RAB3D: variants seen among roughly 807,000 people sequenced by gnomAD.
RAB3D encodes the protein RAB3D, member RAS oncogene family.
In RAB3D, 17 loss-of-function variants were observed where a neutral mutation model predicts 19.3. That is an observed-to-expected ratio of 0.88 (90% CI 0.60 to 1.32). The LOEUF is 1.32. Ranked by LOEUF, RAB3D falls within the 40% of genes most tolerant of loss-of-function variation. The pLI is 0.00. For missense variants in RAB3D, 223 were observed against 299.1 expected (o/e 0.75, Z 1.88); for synonymous variants, 103 against 119.9 (o/e 0.86, Z 0.92).
chr19:11,337,311 T>C lies in RAB3D; in HGVS notation c.89A>G (p.Asn30Ser). ...GAAGGAAGTCTTGCCCACACTGCTG[T>C]TGCCTATCAGTAGCAGTTTGAACAT... ...DYMFKLLLIG[N>S]SSVGKTSFLF... Residue 30 changes from asparagine to serine, a missense_variant, in exon 2 of 5, where the codon AAC becomes AGC. By Grantham distance (46) the Asn-to-Ser change is conservative (BLOSUM62 1). Transcript: ENST00000222120. 1 of 1,614,132 alleles carries C rather than the reference T, an allele frequency of 6.2e-7. No homozygotes were observed. Among genetic ancestry groups the C allele is most frequent in the Non-Finnish European group, 8.5e-7 (1 of 1,180,028 alleles).
rs947434944 is a variant in RAB3D, at chr19:11,337,304, A to G, written c.96T>C (p.Ser32=). The G allele has an allele frequency of 2.6e-5, 42 of 1,613,942 alleles. No individual in the cohort carries two copies. The highest frequency in any genetic ancestry group is 8.0e-5 in the African/African-American group (6 of 74,900). ...MFKLLLIGNS[S]VGKTSFLFRY... ...GGAACAGGAAGGAAGTCTTGCCCAC[A>G]CTGCTGTTGCCTATCAGTAGCAGTT... The change falls in exon 2 of 5, where the codon AGT becomes AGC. Residue 32 remains serine, a synonymous_variant. Transcript: ENST00000222120.
At chr19:11,335,884 G>C (rs1165348643) in intron 2 of RAB3D, 101 bp from the exon 3 acceptor site, 2 of 1,093,238 alleles carry the variant, frequency 1.8e-6, no homozygotes, top group East Asian at 4.7e-5. Context: ...CAGCCTTACG[G>C]GGGAGACACA....
In RAB3D at chr19:11,335,651, C is replaced by T. The variant is rs1423344029; in HGVS notation, c.347+14G>A. 2.5e-6 allele frequency: 4 copies of T among 1,613,890 alleles called. No homozygotes were observed. Among genetic ancestry groups the T allele is most frequent in the Non-Finnish European group, 2.5e-6 (3 of 1,179,782 alleles). On this transcript the variant is annotated intron_variant, in intron 3 of 4. Transcript: ENST00000222120. ...AGGGCAAAGATCAGGGGTCCATGAT[C>T]AGCAAGCACTCACCAGTCCTGCACA...
Position 11,325,352 on chromosome 19 carries a change from C to T in RAB3D, c.*46G>A, listed in dbSNP as rs1329642044. 8.2e-7 allele frequency: 1 copy of T among 1,224,244 alleles called. No individual in the cohort carries two copies. The highest frequency in any genetic ancestry group is 1.7e-5 in the African/African-American group (1 of 58,438). 75.8% of individuals were successfully genotyped at this position (1,224,244 alleles called of 1,614,324 possible). A position where few individuals can be genotyped will look rare whatever the true frequency, so the allele number is the denominator to read the frequency against. On this transcript the variant is annotated 3_prime_UTR_variant, in exon 5 of 5. Transcript: ENST00000222120. ...CTGTGGCTCACGCCTCGATCACAGT[C>T]CCTGCCGAGGCAGGAGAGGGGTGGG...
chr19:11,324,467 T>C lies in RAB3D; in HGVS notation c.*931A>G, dbSNP rs373667726. ...TTTCCTTTTCTAGCAGGATGCATGA[T>C]TGGGCAAGAACTTGCTTAAAACACA... On this transcript the variant is annotated 3_prime_UTR_variant, in exon 5 of 5. Coordinates refer to ENST00000222120, the MANE Select transcript of RAB3D (RefSeq NM_004283.4). 3.3e-5 allele frequency: 5 copies of C among 152,390 alleles called. No individual in the cohort carries two copies. The highest frequency in any genetic ancestry group is 4.8e-5 in the African/African-American group (2 of 41,394). 9.4% of individuals were successfully genotyped at this position (152,390 alleles called of 1,614,324 possible).
chr19:11,327,134 T>C (rs951704583), intron 4 of RAB3D: 3 of 344,522 alleles, frequency 8.7e-6, no homozygotes, highest in African/African-American at 4.2e-5. Flanking sequence ...ATTTATTATC[T>C]GTCTCCGCTA....
At chr19:11,329,048 G>A (rs2080826638) in intron 4 of RAB3D, among the ~76,000 whole-genome samples, 1 of 150,786 alleles carries the variant, frequency 6.6e-6, no homozygotes, top group East Asian at 2.0e-4. Context: ...CTCCCAAGTA[G>A]CTGGGACTAT....
Position 11,324,516 on chromosome 19 carries a change from C to T in RAB3D, c.*882G>A, listed in dbSNP as rs991719252. 2.9e-5 allele frequency: 4 copies of T among 137,660 alleles called. No individual in the cohort carries two copies. The highest frequency in any genetic ancestry group is 1.1e-4 in the African/African-American group (3 of 27,706). The allele number at this position is 137,660 out of a possible 1,614,324, so 8.5% of individuals were successfully genotyped here. The stretch of plus-strand genomic sequence containing the variant: ...CAACCAGCTAAACAGCTAAACAGGG[C>T]CTGGGAGGGAGGCCCCAGCCCCAGG... On this transcript the variant is annotated 3_prime_UTR_variant, in exon 5 of 5. Coordinates refer to ENST00000222120, the MANE Select transcript of RAB3D (RefSeq NM_004283.4).
intron 4 of RAB3D, among the ~76,000 whole-genome samples, chr19:11,333,443 A>G (rs1450814291): frequency 6.6e-6 from 1 of 152,178 alleles, no homozygotes; most frequent in African/African-American, 2.4e-5. Flanking sequence ...GGGTATATAC[A>G]GTAGGGAACA....
intron 4 of RAB3D, among the ~76,000 whole-genome samples, chr19:11,327,239 TTGAA>T (rs144702430): frequency 0.033 from 4,986 of 152,114 alleles, 118 homozygotes; most frequent in Non-Finnish European, 0.051. Flanking sequence ...TGCTGAATGG[TTGAA>T]TGAATGAATG....
intron 1 of RAB3D, among the ~76,000 whole-genome samples, chr19:11,339,178 T>C (rs972137189): frequency 6.6e-6 from 1 of 151,608 alleles, no homozygotes; most frequent in Non-Finnish European, 1.5e-5. Flanking sequence ...CGGTCCCGCC[T>C]CTTTCTAACC....
At position 11,335,538 on chromosome 19, in the gene RAB3D, G is replaced by A. The variant is rs1310002988; in HGVS notation, c.381C>T (p.Asn127=). 8 of 1,614,042 alleles carry A rather than the reference G, an allele frequency of 5.0e-6. No homozygotes were observed. Among genetic ancestry groups the A allele is most frequent in the East Asian group, 2.2e-5 (1 of 44,892 alleles). ...ATQIKTYSWD[N]AQVILVGNKC... ...TGTTCCCCACCAGGATGACCTGGGC[G>A]TTGTCCCAGGAGTAGGTCTTGATTT... Residue 127 remains asparagine, a synonymous_variant, in exon 4 of 5, where the codon AAC becomes AAT. Coordinates refer to ENST00000222120, the MANE Select transcript of RAB3D (RefSeq NM_004283.4).
rs1293280556 is a variant in RAB3D at position 11,322,671 on chromosome 19, A to G, written c.*2727T>C. The G allele has an allele frequency of 1.3e-5, 2 of 152,238 alleles. No individual in the cohort carries two copies. The highest frequency in any genetic ancestry group is 4.8e-5 in the African/African-American group (2 of 41,474). The allele number at this position is 152,238 out of a possible 1,614,324, so 9.4% of individuals were successfully genotyped here. ...GTAACATTTGCCTTATTTTTAGAAG[A>G]AACAAATGTTCCCATATTATTCCCA... On this transcript the variant is annotated 3_prime_UTR_variant, in exon 5 of 5. Coordinates refer to ENST00000222120, the MANE Select transcript of RAB3D (RefSeq NM_004283.4).
intron 4 of RAB3D, 39 bp from the exon 5 acceptor site, chr19:11,325,624 T>G (rs1568299016): frequency 7.2e-7 from 1 of 1,380,554 alleles, no homozygotes; most frequent in Admixed American, 2.3e-5. Context: ...GTAAGACCCC[T>G]GAGGGCAGAG....
chr19:11,335,852 C>A, intron 2 of RAB3D, 69 bp from the exon 3 acceptor site: 18 of 1,386,840 alleles, frequency 1.3e-5, no homozygotes, highest in Non-Finnish European at 1.8e-5. Context: ...CTTAGAGGGG[C>A]ACTGCCCTGT....
chr19:11,335,885 G>C, intron 2 of RAB3D, 102 bp from the exon 3 acceptor site: 1 of 1,071,210 alleles, frequency 9.3e-7, no homozygotes, highest in East Asian at 2.4e-5. Flanking sequence ...AGCCTTACGG[G>C]GGAGACACAG....
At chr19:11,329,435 C>T (rs112527534) in intron 4 of RAB3D, among the ~76,000 whole-genome samples, 19 of 151,604 alleles carry the variant, frequency 1.3e-4, no homozygotes, top group African/African-American at 3.4e-4. Flanking sequence ...TGGTGAAACC[C>T]CATCTCTACT....
Position 11,335,379 on chromosome 19 carries a change from A to G in RAB3D, c.472+68T>C. The stretch of plus-strand genomic sequence containing the variant: ...GGATCAGTGACTGGGTTGGACCCTG[A>G]ATCAGAGGATGGGGATGAGGGTTTG... On this transcript the variant is annotated intron_variant, in intron 4 of 4. Coordinates refer to ENST00000222120, the MANE Select transcript of RAB3D (RefSeq NM_004283.4). 6 of 1,593,074 alleles carry G rather than the reference A, an allele frequency of 3.8e-6. No homozygotes were observed. In the South Asian group the frequency reaches 5.6e-5, roughly 15 times the overall value.
At chr19:11,332,091 T>C (rs1276636075) in intron 4 of RAB3D, among the ~76,000 whole-genome samples, 2 of 152,228 alleles carry the variant, frequency 1.3e-5, no homozygotes, top group African/African-American at 4.8e-5. Context: ...CGGAGTGCAA[T>C]GGTGCGATCT....
Sources: gnomAD v4.1 joint callset for allele counts (sites outside exome capture counted in the v4.1 genomes callset) on GRCh38, gnomAD v4.1.1 for gene constraint, MANE v1.5 for transcripts, NCBI Gene and HGNC (gene_info 2026-07-23, HGNC 2026-07-21) for gene names.